The following PTPRD variants were observed in gnomAD, a reference collection of about 807,000 sequenced individuals.
The protein encoded by PTPRD is protein tyrosine phosphatase receptor type D.
A neutral mutation model predicts 214.5 loss-of-function variants in PTPRD; 34 were observed. That is an observed-to-expected ratio of 0.16 (90% CI 0.12 to 0.21). PTPRD has a LOEUF of 0.21. Among genes scored for constraint, PTPRD ranks in the 10% least tolerant of loss-of-function variants. The pLI is 1.00. For missense variants in PTPRD, 2,545 were observed against 2,398.7 expected (o/e 1.06, Z -1.27); for synonymous variants, 1,128 against 845.7 (o/e 1.33, Z -5.79).
intron 5 of PTPRD, among the ~76,000 whole-genome samples, chr9:9,769,516 C>T (rs113618817): frequency 1.3e-5 from 2 of 151,640 alleles, no homozygotes; most frequent in African/African-American, 2.4e-5. Flanking sequence ...TTAGTAGAGA[C>T]GAGGTTTCAC....
At chr9:8,564,259 G>T (rs1267215267) in intron 14 of PTPRD, among the ~76,000 whole-genome samples, 2 of 151,954 alleles carry the variant, frequency 1.3e-5, no homozygotes, top group East Asian at 3.9e-4. Flanking sequence ...ATGTTCAGTG[G>T]GTTTGACATA....
chr9:9,694,615 A>C (rs2097336727), intron 7 of PTPRD, among the ~76,000 whole-genome samples: 1 of 151,912 alleles, frequency 6.6e-6, no homozygotes, highest in African/African-American at 2.4e-5. Flanking sequence ...AAGTAAAAAA[A>C]CCTTAGCAAC....
intron 3 of PTPRD, among the ~76,000 whole-genome samples, chr9:10,088,945 T>A (rs1384517324): frequency 6.6e-6 from 1 of 151,600 alleles, no homozygotes; most frequent in African/African-American, 2.4e-5. Flanking sequence ...ATAGATTGTA[T>A]GTTTTAAAGT....
Position 8,594,357 on chromosome 9 carries a change from A to G in PTPRD, c.352+38960T>C, listed in dbSNP as rs1034154211. Among the ~76,000 whole-genome samples, 52 of 152,350 alleles carry G rather than the reference A, an allele frequency of 3.4e-4. 1 individual carries two copies. The highest frequency in any genetic ancestry group is 1.2e-3 in the African/African-American group (51 of 41,598). On this transcript the variant is annotated intron_variant, in intron 14 of 45. Coordinates refer to ENST00000381196, the MANE Select transcript of PTPRD (RefSeq NM_002839.4). Reference sequence around the variant, plus strand: ...TCAAACAAATGGAAAAGTTTACTTTATCAAAGATCTCCTAAGAATCTGTAA... The same window carrying G: ...TCAAACAAATGGAAAAGTTTACTTTGTCAAAGATCTCCTAAGAATCTGTAA...
At chr9:10,549,548 A>T (rs542054325) in intron 2 of PTPRD, among the ~76,000 whole-genome samples, 43 of 152,258 alleles carry the variant, frequency 2.8e-4, no homozygotes, top group Admixed American at 7.2e-4. Context: ...ACGTAGCAAT[A>T]TAAGAGTCAG....
At chr9:10,189,381 C>T (rs529122100) in intron 3 of PTPRD, among the ~76,000 whole-genome samples, 18 of 152,214 alleles carry the variant, frequency 1.2e-4, no homozygotes, top group African/African-American at 4.3e-4. Flanking sequence ...GCCCAGAATT[C>T]CTTACACGGG....
chr9:10,034,677 T>G (rs1322143015), intron 3 of PTPRD, among the ~76,000 whole-genome samples: 2 of 152,124 alleles, frequency 1.3e-5, no homozygotes, highest in Non-Finnish European at 2.9e-5. Flanking sequence ...CATGCAGTAT[T>G]TGGCTTTCTG....
At chr9:10,318,897 T>A (rs2096496934) in intron 3 of PTPRD, among the ~76,000 whole-genome samples, 1 of 152,068 alleles carries the variant, frequency 6.6e-6, no homozygotes, top group Non-Finnish European at 1.5e-5. Flanking sequence ...CCTAGTATGG[T>A]GATTCTACTC....
intron 2 of PTPRD, among the ~76,000 whole-genome samples, chr9:10,387,224 G>A (rs1312793593): frequency 6.6e-6 from 1 of 151,390 alleles, no homozygotes; most frequent in Non-Finnish European, 1.5e-5. Flanking sequence ...ATTCTTTATA[G>A]CAGCAATAGG....
chr9:10,380,917 C>G (rs746237461), intron 2 of PTPRD, among the ~76,000 whole-genome samples: 2 of 151,950 alleles, frequency 1.3e-5, no homozygotes, highest in Non-Finnish European at 2.9e-5. Context: ...ATGCACTTCA[C>G]ACATTGAAAA....
intron 3 of PTPRD, among the ~76,000 whole-genome samples, chr9:10,272,651 T>A (rs1359249178): frequency 2.6e-5 from 4 of 152,168 alleles, no homozygotes; most frequent in African/African-American, 7.2e-5. Flanking sequence ...AATATGACAA[T>A]TTTCTCTTTC....
intron 7 of PTPRD, among the ~76,000 whole-genome samples, chr9:9,646,356 T>G (rs572938082): frequency 6.6e-6 from 1 of 151,082 alleles, no homozygotes; most frequent in Non-Finnish European, 1.5e-5. Context: ...TGTGTGTGTG[T>G]GTGTGTATTT....
chr9:10,073,697 G>A (rs1258225894), intron 3 of PTPRD, among the ~76,000 whole-genome samples: 2 of 151,922 alleles, frequency 1.3e-5, no homozygotes, highest in African/African-American at 4.8e-5. Flanking sequence ...AGCATGCATT[G>A]GACAATGACT....
intron 37 of PTPRD, among the ~76,000 whole-genome samples, chr9:8,379,917 C>G (rs2084448810): frequency 6.6e-6 from 1 of 152,122 alleles, no homozygotes; most frequent in Admixed American, 6.6e-5. Flanking sequence ...GGACCAAAGT[C>G]TGGCCGCCTC....
At chr9:8,938,255 CA>C (rs1010359676) in intron 11 of PTPRD, among the ~76,000 whole-genome samples, 30 of 150,848 alleles carry the variant, frequency 2.0e-4, no homozygotes, top group Non-Finnish European at 8.9e-5. Flanking sequence ...GGGAGAGAAA[CA>C]GAGAGGGGAG....
chr9:9,550,198 A>T (rs1453924978), intron 8 of PTPRD, among the ~76,000 whole-genome samples: 1 of 151,886 alleles, frequency 6.6e-6, no homozygotes, highest in Non-Finnish European at 1.5e-5. Context: ...ACTGTAGCAT[A>T]GAAATTCTGC....
chr9:9,033,165 T>C (rs979431540), intron 10 of PTPRD, among the ~76,000 whole-genome samples: 2 of 152,144 alleles, frequency 1.3e-5, no homozygotes, highest in Non-Finnish European at 2.9e-5. Context: ...GTATAGTCCA[T>C]AGACATGACA....
Position 10,556,931 on chromosome 9 carries a change from C to T in PTPRD, c.-600+55467G>A, listed in dbSNP as rs188961025. Among the ~76,000 whole-genome samples the T allele has an allele frequency of 1.1e-3, 160 of 151,930 alleles. 2 individuals are homozygous for T. Among genetic ancestry groups the T allele is most frequent in the African/African-American group, 3.6e-3 (149 of 41,456 alleles). ...CGTTGAAAAAATAATACAAAGAAAA[C>T]GGGTAAGTACAAGTAATATATCAGT... On this transcript the variant is annotated intron_variant, in intron 2 of 45. Coordinates refer to ENST00000381196, the MANE Select transcript of PTPRD (RefSeq NM_002839.4).
intron 9 of PTPRD, among the ~76,000 whole-genome samples, chr9:9,250,117 A>G (rs2099974846): frequency 6.6e-6 from 1 of 152,070 alleles, no homozygotes; most frequent in Non-Finnish European, 1.5e-5. Context: ...GCACACCATG[A>G]ACAGTCGCAT....
Sources: gnomAD v4.1 joint callset for allele counts (sites outside exome capture counted in the v4.1 genomes callset) on GRCh38, gnomAD v4.1.1 for gene constraint, MANE v1.5 for transcripts, NCBI Gene and HGNC (gene_info 2026-07-23, HGNC 2026-07-21) for gene names.